MYO1C: variants seen among roughly 807,000 people sequenced by gnomAD.
MYO1C encodes the protein unconventional myosin-Ic.
A neutral mutation model predicts 150.8 loss-of-function variants in MYO1C; 104 were observed. That is an observed-to-expected ratio of 0.69 (90% confidence interval 0.59 to 0.81). MYO1C has a LOEUF of 0.81. Among genes scored for constraint, MYO1C ranks in the 30% least tolerant of loss-of-function variants. MYO1C has a pLI of 0.00. For missense variants in MYO1C, 1,504 were observed against 1,435.0 expected (o/e 1.05, Z -0.78); for synonymous variants, 663 against 579.9 (o/e 1.14, Z -2.06).
chr17:1,488,948 C>G (rs1422253804), intron 1 of MYO1C, among the ~76,000 whole-genome samples: 1 of 152,212 alleles, frequency 6.6e-6, no homozygotes, highest in Non-Finnish European at 1.5e-5. Flanking sequence ...CAGGTGCCTA[C>G]AAGCCTGACT....
Position 1,482,907 on chromosome 17 carries a change from C to A in MYO1C, c.500G>T (p.Gly167Val), listed in dbSNP as rs768215190. The change falls in exon 4 of 32, where the codon GGA becomes GTA. Residue 167 changes from glycine to valine, a missense_variant. Gly to Val is a moderately radical substitution (Grantham distance 109). Coordinates refer to ENST00000648651, the MANE Select transcript of MYO1C (RefSeq NM_001080779.2). ...TAGCAGCCGGTCCCGCACGGCACCT[C>A]CGCGCTCGGGGGCTGGGCAGGTCTC... Reference protein sequence around the residue: ...YAETCPAPERGGAVRDRLLQS... With the variant: ...YAETCPAPERVGAVRDRLLQS... 1.1e-5 allele frequency: 18 copies of A among 1,579,348 alleles called. No homozygotes were observed. In the Middle Eastern group the frequency reaches 6.8e-4, roughly 60 times the overall value.
chr17:1,465,808 T>C (rs1475155596), intron 31 of MYO1C, 56 bp from the exon 32 acceptor site: 3 of 1,237,214 alleles, frequency 2.4e-6, no homozygotes, highest in East Asian at 2.8e-5. Context: ...GGGGCCCCGG[T>C]ACTCAGACTT....
intron 1 of MYO1C, among the ~76,000 whole-genome samples, chr17:1,489,980 C>G (rs1295413914): frequency 7.1e-6 from 1 of 140,182 alleles, no homozygotes; most frequent in Non-Finnish European, 1.5e-5. Context: ...GAAGAGGTTG[C>G]AGAGAGCTGA....
chr17:1,473,286 G>T lies in MYO1C; in HGVS notation c.1798-1058C>A, dbSNP rs547161834. 1.6e-4 allele frequency among the ~76,000 whole-genome samples: 24 copies of T among 152,276 alleles called. No individual in the cohort carries two copies. In the East Asian group the frequency reaches 3.7e-3, roughly 23 times the overall value. ...TCAAAGAAGGAGAAAGCCTGGAGGG[G>T]CAGACCAAGGGCCCGTTTGTTATAG... On this transcript the variant is annotated intron_variant, in intron 17 of 31. Transcript: ENST00000648651.
At position 1,480,901 on chromosome 17, in the gene MYO1C, G is replaced by C; in HGVS notation, c.628-16C>G. 6.2e-7 allele frequency: 1 copy of C among 1,613,346 alleles called. No homozygotes were observed. Among genetic ancestry groups the C allele is most frequent in the Non-Finnish European group, 8.5e-7 (1 of 1,179,942 alleles). On this transcript the variant is annotated splice_polypyrimidine_tract_variant and intron_variant, in intron 5 of 31. Coordinates refer to ENST00000648651, the MANE Select transcript of MYO1C (RefSeq NM_001080779.2). Reference sequence around the variant, plus strand: ...CGGGGGCACCCTGTGGGCAGGGCAGGGCATGAGGCCGGGTCACGGGGACTG... The same window carrying C: ...CGGGGGCACCCTGTGGGCAGGGCAGCGCATGAGGCCGGGTCACGGGGACTG...
intron 18 of MYO1C, 25 bp downstream of exon 18, chr17:1,472,098 G>T (rs746692950): frequency 4.3e-6 from 7 of 1,613,340 alleles, no homozygotes; most frequent in East Asian, 2.2e-5. Context: ...GCCCGGCCCC[G>T]AAGTCCCCCG....
rs775688199 is a variant in MYO1C, at chr17:1,480,595, C to T, written c.838G>A (p.Asp280Asn). The stretch of plus-strand genomic sequence containing the variant: ...CTGACGACCTTCCAGTCACTCTTGT[C>T]GTTGATGGAGGAGACTTTGGCACAC... ...GQCAKVSSIN[D>N]KSDWKVVRKA... is the part of the protein sequence containing the mutation. The change falls in exon 7 of 32, where the codon GAC becomes AAC. Residue 280 changes from aspartate to asparagine, a missense_variant. Asp to Asn is a conservative substitution (Grantham distance 23). Transcript: ENST00000648651. 211 of 1,613,998 alleles carry T rather than the reference C, an allele frequency of 1.3e-4. No homozygotes were observed. Among genetic ancestry groups the T allele is most frequent in the Non-Finnish European group, 1.6e-4 (190 of 1,180,046 alleles).
Position 1,480,891 on chromosome 17 carries a change from G to C in MYO1C, c.628-6C>G, listed in dbSNP as rs1042344296. On this transcript the variant is annotated splice_region_variant and splice_polypyrimidine_tract_variant and intron_variant, in intron 5 of 31. Transcript: ENST00000648651. The stretch of plus-strand genomic sequence containing the variant: ...TGGCCACCCACGGGGGCACCCTGTG[G>C]GCAGGGCAGGGCATGAGGCCGGGTC... 1.9e-6 allele frequency: 3 copies of C among 1,613,580 alleles called. No individual in the cohort carries two copies. In the Admixed American group the frequency reaches 5.0e-5, roughly 27 times the overall value.
chr17:1,464,679 T>C lies in MYO1C; in HGVS notation c.*1047A>G, dbSNP rs1050182933. ...GCAAGTGCCTTCTCCTGTTTGGGCATCTGTCTTCTGCTCTGTAACATCAAG... is the reference window on the plus strand; with the variant it reads ...GCAAGTGCCTTCTCCTGTTTGGGCACCTGTCTTCTGCTCTGTAACATCAAG... On this transcript the variant is annotated 3_prime_UTR_variant, in exon 32 of 32. Coordinates refer to ENST00000648651, the MANE Select transcript of MYO1C (RefSeq NM_001080779.2). 5 of 152,708 alleles carry C rather than the reference T, an allele frequency of 3.3e-5. No individual in the cohort carries two copies. Among genetic ancestry groups the C allele is most frequent in the Admixed American group, 3.3e-4 (5 of 15,274 alleles). The allele number at this position is 152,708 out of a possible 1,614,324, so 9.5% of individuals were successfully genotyped here.
At position 1,479,724 on chromosome 17, in the gene MYO1C, G is replaced by A; in HGVS notation, c.907-19C>T. On this transcript the variant is annotated intron_variant, in intron 7 of 31. Coordinates refer to ENST00000648651, the MANE Select transcript of MYO1C (RefSeq NM_001080779.2). The surrounding 1 kb of genome is among the most constrained non-coding windows in gnomAD (Gnocchi z 4.2). Reference sequence around the variant, plus strand: ...GCAGGTCCTGGGGGAGCAGGCCGGGGGCAGGAGGGGGTGAGAGGGGCCAGA... The same window carrying A: ...GCAGGTCCTGGGGGAGCAGGCCGGGAGCAGGAGGGGGTGAGAGGGGCCAGA... 1 of 1,582,772 alleles carries A rather than the reference G, an allele frequency of 6.3e-7. No homozygotes were observed. The highest frequency in any genetic ancestry group is 8.6e-7 in the Non-Finnish European group (1 of 1,159,910).
chr17:1,479,708 G>T lies in MYO1C; in HGVS notation c.907-3C>A. On this transcript the variant is annotated splice_polypyrimidine_tract_variant and splice_region_variant and intron_variant, in intron 7 of 31. Coordinates refer to ENST00000648651, the MANE Select transcript of MYO1C (RefSeq NM_001080779.2). The surrounding 1 kb of genome is among the most constrained non-coding windows in gnomAD (Gnocchi z 4.2). The stretch of plus-strand genomic sequence containing the variant: ...CTGGCCACGATGCTCAGCAGGTCCT[G>T]GGGGAGCAGGCCGGGGGCAGGAGGG... 1 of 1,606,486 alleles carries T rather than the reference G, an allele frequency of 6.2e-7. No individual in the cohort carries two copies. The highest frequency in any genetic ancestry group is 8.5e-7 in the Non-Finnish European group (1 of 1,176,468).
At chr17:1,481,034 C>T in intron 5 of MYO1C, 149 bp from the exon 6 acceptor site, 3 of 750,066 alleles carry the variant, frequency 4.0e-6, no homozygotes, top group Non-Finnish European at 6.5e-6. Flanking sequence ...TCAGGCACGC[C>T]ACCCACGCTG....
rs371850206 is a variant in MYO1C at position 1,479,526 on chromosome 17, G to C, written c.1021-24C>G. 6.6e-7 allele frequency: 1 copy of C among 1,507,454 alleles called. No homozygotes were observed. The highest frequency in any genetic ancestry group is 9.1e-7 in the Non-Finnish European group (1 of 1,104,708). 93.4% of individuals were successfully genotyped at this position (1,507,454 alleles called of 1,614,324 possible). A position where few individuals can be genotyped will look rare whatever the true frequency, so the allele number is the denominator to read the frequency against. On this transcript the variant is annotated intron_variant, in intron 8 of 31. Transcript: ENST00000648651. This position sits in a 1 kb window ranked among gnomAD's most constrained non-coding sequence, Gnocchi z 4.2. ...AGCTGCCAAGGGCAGGCGAGGACACGGTGAGGGTGCACCCCCAGCCCCCGC... is the reference window on the plus strand; with the variant it reads ...AGCTGCCAAGGGCAGGCGAGGACACCGTGAGGGTGCACCCCCAGCCCCCGC...
chr17:1,468,261 G>A lies in MYO1C; in HGVS notation c.2752C>T (p.Pro918Ser). The change falls in exon 27 of 32, where the codon CCC becomes TCC. Residue 918 changes from proline to serine, a missense_variant. Physicochemically the swap from Pro to Ser is moderately conservative, Grantham distance 74. Transcript: ENST00000648651. ...TGCAGGCAGGCTCTTACCTGAATGGGCTCAGAGCCCAAGGCCTGCAGCACT... is the reference window on the plus strand; with the variant it reads ...TGCAGGCAGGCTCTTACCTGAATGGACTCAGAGCCCAAGGCCTGCAGCACT... ...PRVLQALGSE[P>S]IQYAVPVVKY... 1 of 1,613,596 alleles carries A rather than the reference G, an allele frequency of 6.2e-7. No individual in the cohort carries two copies. The highest frequency in any genetic ancestry group is 1.1e-5 in the South Asian group (1 of 91,072).
At chr17:1,467,102 G>T in intron 31 of MYO1C, 140 bp downstream of exon 31, 1 of 817,490 alleles carries the variant, frequency 1.2e-6, no homozygotes, top group Non-Finnish European at 2.0e-6. Flanking sequence ...GCCCTCATGG[G>T]TGGGCCAAGG....
rs770240694 is a variant in MYO1C, at chr17:1,492,492, C to T, written c.-5G>A. 8 of 1,598,094 alleles carry T rather than the reference C, an allele frequency of 5.0e-6. No homozygotes were observed. The highest frequency in any genetic ancestry group is 1.1e-5 in the South Asian group (1 of 88,618). ...CAGCTCCACTTGCAGCGCCATTCCGCCCTGCGGAGAGCCAGCGGCCTGGGC... is the reference window on the plus strand; with the variant it reads ...CAGCTCCACTTGCAGCGCCATTCCGTCCTGCGGAGAGCCAGCGGCCTGGGC... On this transcript the variant is annotated 5_prime_UTR_variant, in exon 1 of 32. Coordinates refer to ENST00000648651, the MANE Select transcript of MYO1C (RefSeq NM_001080779.2).
At chr17:1,491,441 C>G in intron 1 of MYO1C, among the ~76,000 whole-genome samples, 1 of 112,064 alleles carries the variant, frequency 8.9e-6, no homozygotes, top group Non-Finnish European at 1.8e-5. Flanking sequence ...GCCTCCGGGT[C>G]GTGGGACCCC....
intron 1 of MYO1C, chr17:1,485,660 A>AC (rs1232991497): frequency 3.2e-5 from 38 of 1,202,584 alleles, no homozygotes; most frequent in Non-Finnish European, 3.5e-5. Flanking sequence ...GACGCCCGGG[A>AC]CCCCCCGCCC....
chr17:1,484,981 T>A (rs1294349277), intron 1 of MYO1C: 2 of 598,398 alleles, frequency 3.3e-6, no homozygotes, highest in African/African-American at 3.9e-5. Context: ...CCACCCCAGC[T>A]GGGCTCAGCC....
Sources: gnomAD v4.1 joint callset for allele counts (sites outside exome capture counted in the v4.1 genomes callset) on GRCh38, gnomAD v4.1.1 for gene constraint, Gnocchi (gnomAD v3.1) non-coding constraint, MANE v1.5 for transcripts, NCBI Gene and HGNC (gene_info 2026-07-23, HGNC 2026-07-21) for gene names.